XPO7: variants seen among roughly 807,000 people sequenced by gnomAD.
The protein encoded by XPO7 is exportin-7.
XPO7 carries 21 observed loss-of-function variants against 144.3 expected under a neutral mutation model. The ratio of observed to expected loss-of-function variants is 0.15; its 90% confidence interval spans 0.10 to 0.21. The LOEUF is 0.21. Ranked by LOEUF, XPO7 falls within the 10% of genes least tolerant of loss-of-function variation. XPO7 has a pLI of 1.00. For synonymous variants in XPO7, 580 were observed against 499.6 expected (o/e 1.16, Z -2.15); for missense variants, 808 against 1,325.8 (o/e 0.61, Z 6.06).
chr8:21,925,213 G>A (rs998373105), intron 1 of XPO7, among the ~76,000 whole-genome samples: 1 of 152,206 alleles, frequency 6.6e-6, no homozygotes, highest in East Asian at 1.9e-4. Context: ...AATCTTGGGG[G>A]AGGGAGAGAG....
At chr8:21,950,117 G>C (rs935756088) in intron 1 of XPO7, among the ~76,000 whole-genome samples, 6 of 152,098 alleles carry the variant, frequency 3.9e-5, no homozygotes, top group African/African-American at 1.4e-4. Flanking sequence ...GACCACTGTT[G>C]GTCATTTTTG....
chr8:21,928,006 C>T (rs1810517878), intron 1 of XPO7, among the ~76,000 whole-genome samples: 1 of 152,220 alleles, frequency 6.6e-6, no homozygotes, highest in African/African-American at 2.4e-5. Context: ...CAGTAAACTG[C>T]ATCCATTTAA....
chr8:21,937,962 A>G (rs1810873947), intron 1 of XPO7, among the ~76,000 whole-genome samples: 1 of 152,194 alleles, frequency 6.6e-6, no homozygotes, highest in African/African-American at 2.4e-5. Context: ...GATATAGATA[A>G]TATTTATGAG....
intron 5 of XPO7, among the ~76,000 whole-genome samples, 159 bp from the exon 6 acceptor site, chr8:21,974,511 C>T (rs976688953): frequency 3.3e-5 from 5 of 152,160 alleles, no homozygotes; most frequent in Middle Eastern, 3.2e-3. Context: ...ATCCTCCATC[C>T]TTTCACTAGA....
intron 1 of XPO7, among the ~76,000 whole-genome samples, chr8:21,964,650 G>A (rs1384325324): frequency 6.6e-6 from 1 of 151,912 alleles, no homozygotes; most frequent in Non-Finnish European, 1.5e-5. Context: ...TTCAAAGTGT[G>A]TAAATGGTCA....
intron 2 of XPO7, 149 bp downstream of exon 2, chr8:21,967,152 T>A: frequency 9.1e-7 from 1 of 1,093,568 alleles, no homozygotes; most frequent in Non-Finnish European, 1.2e-6. Flanking sequence ...GTACCATACC[T>A]ACCAGGTTGG....
At chr8:21,986,496 A>C (rs1392635165) in intron 13 of XPO7, among the ~76,000 whole-genome samples, 1 of 151,468 alleles carries the variant, frequency 6.6e-6, no homozygotes, top group African/African-American at 2.4e-5. Flanking sequence ...GTCTCTTTCC[A>C]CCCCCATTTT....
At chr8:21,965,705 C>G (rs942422987) in intron 1 of XPO7, among the ~76,000 whole-genome samples, 1 of 152,048 alleles carries the variant, frequency 6.6e-6, no homozygotes, top group East Asian at 1.9e-4. Context: ...TGAATCCTGC[C>G]CCAAAGGCTT....
At position 21,955,724 on chromosome 8, in the gene XPO7, CTTTTTTT is replaced by C. The variant is rs71544845; in HGVS notation, c.19-11116_19-11110del. ...CTCATGGCCTGTATTCTGTGCTTAC[CTTTTTTT>C]TTTTTTTTTTTTTTTTGAGATGGAG... On this transcript the variant is annotated intron_variant, in intron 1 of 27. Coordinates refer to ENST00000252512, the MANE Select transcript of XPO7 (RefSeq NM_015024.5). Among the ~76,000 whole-genome samples, 499 of 102,746 alleles carry C rather than the reference CTTTTTTT, an allele frequency of 4.9e-3. 1 individual carries two copies. Among genetic ancestry groups the C allele is most frequent in the Non-Finnish European group, 7.0e-3 (389 of 55,306 alleles). The allele number at this position is 102,746 out of a possible 152,430, so 67.4% of individuals were successfully genotyped here. A position where few individuals can be genotyped will look rare whatever the true frequency, so the allele number is the denominator to read the frequency against.
intron 1 of XPO7, among the ~76,000 whole-genome samples, chr8:21,931,158 T>G (rs1278947614): frequency 6.6e-6 from 1 of 151,810 alleles, no homozygotes; most frequent in Non-Finnish European, 1.5e-5. Context: ...CCTATCTTAT[T>G]TCTCTCTCTC....
intron 1 of XPO7, among the ~76,000 whole-genome samples, chr8:21,931,661 A>G (rs1810654334): frequency 6.6e-6 from 1 of 152,208 alleles, no homozygotes; most frequent in African/African-American, 2.4e-5. Flanking sequence ...AGGAGTTTGA[A>G]TAAATCATGA....
intron 9 of XPO7, among the ~76,000 whole-genome samples, chr8:21,981,088 C>T (rs1462140891): frequency 6.6e-6 from 1 of 152,096 alleles, no homozygotes; most frequent in Non-Finnish European, 1.5e-5. Context: ...TACTCTGTGC[C>T]AGGGATACAC....
At chr8:21,998,223 C>T (rs908217730) in intron 21 of XPO7, among the ~76,000 whole-genome samples, 3 of 152,096 alleles carry the variant, frequency 2.0e-5, no homozygotes, top group African/African-American at 4.8e-5. Context: ...GGGCGGATCA[C>T]GAGGTCAGGA....
intron 12 of XPO7, 78 bp from the exon 13 acceptor site, chr8:21,985,508 G>T: frequency 7.5e-7 from 1 of 1,325,156 alleles, no homozygotes. Context: ...GTGTTCTTAA[G>T]ATTAAGGAAG....
chr8:21,921,270 C>G (rs2117228291), intron 1 of XPO7: 1 of 152,278 alleles, frequency 6.6e-6, no homozygotes, highest in East Asian at 1.9e-4. Context: ...GGAATTACTT[C>G]TGTCATTTAA....
chr8:21,962,986 T>C (rs1290233775), intron 1 of XPO7, among the ~76,000 whole-genome samples: 1 of 152,190 alleles, frequency 6.6e-6, no homozygotes, highest in Non-Finnish European at 1.5e-5. Context: ...CAACACAGTG[T>C]TTCCCAGTAC....
intron 5 of XPO7, among the ~76,000 whole-genome samples, chr8:21,972,189 A>G (rs1406382634): frequency 8.2e-6 from 1 of 122,154 alleles, no homozygotes; most frequent in African/African-American, 3.2e-5. Flanking sequence ...TTTTTTTTTT[A>G]TTGGTACTAA....
At position 21,963,571 on chromosome 8, in the gene XPO7, T is replaced by C. The variant is rs967156415; in HGVS notation, c.19-3286T>C. Among the ~76,000 whole-genome samples the C allele has an allele frequency of 1.4e-4, 21 of 152,160 alleles. No individual in the cohort carries two copies. The East Asian group carries it at 3.9e-3, about 28-fold the overall frequency. On this transcript the variant is annotated intron_variant, in intron 1 of 27. Coordinates refer to ENST00000252512, the MANE Select transcript of XPO7 (RefSeq NM_015024.5). ...TTAGCTGGGCGTGGTGGCACGCGCC[T>C]GTAGTCCCAGCTACTCAGGAGGCTG... is the stretch of plus-strand genomic sequence containing the variant.
At chr8:21,960,698 A>G (rs1411739958) in intron 1 of XPO7, among the ~76,000 whole-genome samples, 2 of 152,216 alleles carry the variant, frequency 1.3e-5, no homozygotes, top group African/African-American at 4.8e-5. Context: ...GTTTTACCGT[A>G]GTAGACATAC....
Sources: gnomAD v4.1 joint callset for allele counts (sites outside exome capture counted in the v4.1 genomes callset) on GRCh38, gnomAD v4.1.1 for gene constraint, MANE v1.5 for transcripts, NCBI Gene and HGNC (gene_info 2026-07-23, HGNC 2026-07-21) for gene names.